Variants in TPM3 observed in about 807,000 individuals in gnomAD.
The protein encoded by TPM3 is tropomyosin alpha-3 chain.
Under a neutral mutation model 43.1 loss-of-function variants are expected in TPM3, and 16 were observed. The observed-to-expected ratio is 0.37, with a 90% CI of 0.25 to 0.56. The LOEUF is 0.56. Ranked by LOEUF, TPM3 falls within the 20% of genes least tolerant of loss-of-function variation. The pLI is 0.77. For missense variants in TPM3, 176 were observed against 337.2 expected (o/e 0.52, Z 3.74); for synonymous variants, 101 against 116.9 (o/e 0.86, Z 0.88).
chr1:154,191,416 C>A, intron 1 of TPM3, 105 bp from the exon 2 acceptor site: 1 of 1,570,344 alleles, frequency 6.4e-7, no homozygotes, highest in East Asian at 2.3e-5. Flanking sequence ...GTTACCATCC[C>A]TAGTGAGACA....
chr1:154,175,875 T>C (rs1281737331), intron 3 of TPM3, among the ~76,000 whole-genome samples: 1 of 152,204 alleles, frequency 6.6e-6, no homozygotes, highest in East Asian at 1.9e-4. Flanking sequence ...TATTGACTGA[T>C]TGACACAGGG....
At position 154,163,952 on chromosome 1, in the gene TPM3, A is replaced by G. The variant is rs1383378497; in HGVS notation, c.*3985T>C. On this transcript the variant is annotated 3_prime_UTR_variant, in exon 10 of 10. Transcript: ENST00000651641. ...CTGGCCTCTTTTTTTTGTATTTGCAATTGTCCTTCATGGTTCTAATTTACC... is the reference window on the plus strand; with the variant it reads ...CTGGCCTCTTTTTTTTGTATTTGCAGTTGTCCTTCATGGTTCTAATTTACC... Among the ~76,000 whole-genome samples the G allele has an allele frequency of 6.6e-6, 1 of 151,398 alleles. No homozygotes were observed. Among genetic ancestry groups the G allele is most frequent in the Non-Finnish European group, 1.5e-5 (1 of 67,796 alleles).
intron 5 of TPM3, chr1:154,171,850 G>A (rs1661612540): frequency 2.6e-6 from 2 of 769,796 alleles, no homozygotes; most frequent in South Asian, 1.5e-5. Context: ...AGGCAGTGAA[G>A]CAACTAGGAA....
chr1:154,183,521 C>T, intron 2 of TPM3: 1 of 380,886 alleles, frequency 2.6e-6, no homozygotes. Flanking sequence ...CGCAATTGAC[C>T]CCTCACTCCC....
chr1:154,174,581 G>A (rs1250525909), intron 3 of TPM3, among the ~76,000 whole-genome samples: 4 of 141,986 alleles, frequency 2.8e-5, no homozygotes, highest in South Asian at 2.2e-4. Context: ...TGCAACCTCC[G>A]CCTCTTGGGT....
intron 1 of TPM3, chr1:154,191,635 C>G: frequency 7.1e-7 from 1 of 1,416,548 alleles, no homozygotes; most frequent in Non-Finnish European, 9.2e-7. Context: ...TTACCTTTTC[C>G]TCTAGAAGTC....
intron 3 of TPM3, 62 bp from the exon 4 acceptor site, chr1:154,173,263 C>A: frequency 2.2e-6 from 3 of 1,383,288 alleles, no homozygotes; most frequent in Non-Finnish European, 3.1e-6. Flanking sequence ...AGCTCCACTC[C>A]AAGGGTCTCA....
At chr1:154,170,497 C>T (rs371680179) in intron 7 of TPM3, 28 bp from the exon 8 acceptor site, 2 of 1,613,304 alleles carry the variant, frequency 1.2e-6, no homozygotes, top group African/African-American at 1.3e-5. Flanking sequence ...TTAGTCAGAA[C>T]CAGAGATGAA....
downstream of TPM3, among the ~76,000 whole-genome samples, chr1:154,161,220 G>T (rs1209072658): frequency 4.0e-5 from 6 of 150,546 alleles, no homozygotes; most frequent in African/African-American, 9.8e-5. Context: ...CTATACTAAT[G>T]GTATATAAGC....
chr1:154,178,795 T>C (rs1662626978), intron 2 of TPM3, among the ~76,000 whole-genome samples: 2 of 152,206 alleles, frequency 1.3e-5, no homozygotes, highest in Non-Finnish European at 2.9e-5. Context: ...GTGGAGGATA[T>C]ACAGTACTCT....
chr1:154,178,817 C>A (rs949001815), intron 2 of TPM3, among the ~76,000 whole-genome samples: 1 of 152,176 alleles, frequency 6.6e-6, no homozygotes, highest in Non-Finnish European at 1.5e-5. Context: ...TGGTTCTTCC[C>A]TTCAAGTAAT....
chr1:154,181,613 G>C (rs753970849), intron 2 of TPM3, among the ~76,000 whole-genome samples: 3 of 152,170 alleles, frequency 2.0e-5, no homozygotes, highest in East Asian at 1.9e-4. Flanking sequence ...TAAACAGAAA[G>C]ACGTTTAAAG....
rs185779007 is a variant in TPM3, at chr1:154,167,157, T to C, written c.*780A>G. ...ATAATAATTTATCACTTATCTTATA[T>C]CCCACTAGTCACACACTAGCAGGCA... On this transcript the variant is annotated 3_prime_UTR_variant, in exon 10 of 10. Coordinates refer to ENST00000651641, the MANE Select transcript of TPM3 (RefSeq NM_152263.4). 448 of 257,374 alleles carry C rather than the reference T, an allele frequency of 1.7e-3. 3 individuals are homozygous for C. Among genetic ancestry groups the C allele is most frequent in the African/African-American group, 9.1e-3 (394 of 43,480 alleles). The allele number at this position is 257,374 out of a possible 1,614,324, so 15.9% of individuals were successfully genotyped here.
chr1:154,178,303 T>G, intron 2 of TPM3: 150 of 446,990 alleles, frequency 3.4e-4, no homozygotes, highest in Non-Finnish European at 4.1e-4. Context: ...ATAGAATTCT[T>G]AGCAAGGCTG....
At position 154,166,782 on chromosome 1, in the gene TPM3, A is replaced by C. The variant is rs2148217513; in HGVS notation, c.*1155T>G. On this transcript the variant is annotated 3_prime_UTR_variant, in exon 10 of 10. Coordinates refer to ENST00000651641, the MANE Select transcript of TPM3 (RefSeq NM_152263.4). ...CTGCAACCTCCGCCTCCCAGGTGCA[A>C]GCGATTCTCCTGCCTCAGCCTCCCG... 1 of 760,332 alleles carries C rather than the reference A, an allele frequency of 1.3e-6. No individual in the cohort carries two copies. Among genetic ancestry groups the C allele is most frequent in the East Asian group, 1.3e-4 (1 of 7,802 alleles). The allele number at this position is 760,332 out of a possible 1,614,324, so 47.1% of individuals were successfully genotyped here.
At chr1:154,184,429 C>A (rs1278053371) in intron 2 of TPM3, among the ~76,000 whole-genome samples, 2 of 152,162 alleles carry the variant, frequency 1.3e-5, no homozygotes, top group Admixed American at 6.5e-5. Flanking sequence ...CGTGGTAGCT[C>A]ATGTCTGTAA....
At chr1:154,185,140 G>A (rs568854336) in intron 2 of TPM3, among the ~76,000 whole-genome samples, 23 of 152,114 alleles carry the variant, frequency 1.5e-4, no homozygotes, top group African/African-American at 4.8e-4. Context: ...GGGAGGCCAC[G>A]GCGGGCAGAT....
chr1:154,179,583 G>A (rs1390403309), intron 2 of TPM3, among the ~76,000 whole-genome samples: 1 of 151,502 alleles, frequency 6.6e-6, no homozygotes, highest in Non-Finnish European at 1.5e-5. Context: ...TTACACTCCC[G>A]CAGTTGACCC....
intron 3 of TPM3, among the ~76,000 whole-genome samples, chr1:154,174,407 T>TACATATATATATACACACAC: frequency 2.8e-5 from 2 of 72,694 alleles, no homozygotes; most frequent in South Asian, 1.1e-3. Flanking sequence ...TATATATATA[T>TACATATATATATACACACAC]ACACACAAAA....
Sources: allele counts gnomAD v4.1 joint callset (sites outside exome capture counted in the v4.1 genomes callset), GRCh38; gene constraint gnomAD v4.1.1; transcripts MANE v1.5; gene names NCBI Gene and HGNC (gene_info 2026-07-23, HGNC 2026-07-21).